Variants in NOD1 observed in about 807,000 individuals in gnomAD.
NOD1 encodes nucleotide binding oligomerization domain containing 1.
A neutral mutation model predicts 81.2 loss-of-function variants in NOD1; 70 were observed. The ratio of observed to expected loss-of-function variants is 0.86; its 90% CI spans 0.71 to 1.05. The LOEUF is 1.05. NOD1 is among the 50% of genes least tolerant of loss of function. The probability of loss-of-function intolerance (pLI) is 0.00; values close to 1 mark genes in which losing one functional copy is unlikely to be tolerated. For missense variants in NOD1, 1,233 were observed against 1,228.0 expected (o/e 1.00, Z -0.06); for synonymous variants, 508 against 526.9 (o/e 0.96, Z 0.49).
At position 30,424,785 on chromosome 7, in the gene NOD1, G is replaced by A. The variant is rs1428521828; in HGVS notation, c.*853C>T. 1.3e-5 allele frequency: 2 copies of A among 152,280 alleles called. No homozygotes were observed. The highest frequency in any genetic ancestry group is 2.9e-5 in the Non-Finnish European group (2 of 68,106). The allele number at this position is 152,280 out of a possible 1,614,324, so 9.4% of individuals were successfully genotyped here. A position where few individuals can be genotyped will look rare whatever the true frequency, so the allele number is the denominator to read the frequency against. ...GACAAAAGCAGCCATTTGGATGCCAGGGCCACAGGGGCAAGCCATGCCCTA... is the reference window on the plus strand; with the variant it reads ...GACAAAAGCAGCCATTTGGATGCCAAGGCCACAGGGGCAAGCCATGCCCTA... On this transcript the variant is annotated 3_prime_UTR_variant, in exon 14 of 14. Coordinates refer to ENST00000222823, the MANE Select transcript of NOD1 (RefSeq NM_006092.4).
Position 30,426,784 on chromosome 7 carries a change from A to T in NOD1, c.2790-1074T>A, listed in dbSNP as rs2127981784. ...CACAGCAGCTTCTGGCAGTTCTTCCAGGACACCACACTCCCTCCTGCCCCA... is the reference window on the plus strand; with the variant it reads ...CACAGCAGCTTCTGGCAGTTCTTCCTGGACACCACACTCCCTCCTGCCCCA... On this transcript the variant is annotated intron_variant, in intron 13 of 13. Coordinates refer to ENST00000222823, the MANE Select transcript of NOD1 (RefSeq NM_006092.4). 2.0e-5 allele frequency among the ~76,000 whole-genome samples: 3 copies of T among 152,194 alleles called. 1 individual carries two copies. In the South Asian group the frequency reaches 6.2e-4, roughly 32 times the overall value.
intron 11 of NOD1, among the ~76,000 whole-genome samples, chr7:30,435,686 C>T (rs1784319495): frequency 6.6e-6 from 1 of 152,172 alleles, no homozygotes; most frequent in Admixed American, 6.5e-5. Context: ...GTGCCAGGTG[C>T]AGTGGCTCAC....
intron 4 of NOD1, among the ~76,000 whole-genome samples, chr7:30,456,211 T>C (rs1786355204): frequency 2.0e-5 from 3 of 152,164 alleles, no homozygotes; most frequent in African/African-American, 7.2e-5. Flanking sequence ...TGGTCTCCAT[T>C]TTATTTTTCA....
At chr7:30,473,075 G>A (rs1583893857) in intron 1 of NOD1, among the ~76,000 whole-genome samples, 1 of 152,332 alleles carries the variant, frequency 6.6e-6, no homozygotes, top group Non-Finnish European at 1.5e-5. Flanking sequence ...TTCCACACCA[G>A]GGTAGGGGGC....
At chr7:30,473,344 T>C (rs940976800) in intron 1 of NOD1, among the ~76,000 whole-genome samples, 14 of 152,172 alleles carry the variant, frequency 9.2e-5, no homozygotes, top group African/African-American at 3.1e-4. Context: ...TGATGTAATA[T>C]TATTTTCAAT....
intron 5 of NOD1, 146 bp downstream of exon 5, chr7:30,454,991 A>C: frequency 1.3e-6 from 1 of 759,686 alleles, no homozygotes; most frequent in Non-Finnish European, 2.1e-6. Context: ...CACTTGGGAG[A>C]CAGGATTCAG....
chr7:30,450,938 T>G (rs1010866618), intron 6 of NOD1, among the ~76,000 whole-genome samples: 1 of 152,222 alleles, frequency 6.6e-6, no homozygotes, highest in Non-Finnish European at 1.5e-5. Context: ...GTGGCCATAA[T>G]TGATAGGATT....
Position 30,452,492 on chromosome 7 carries a change from G to A in NOD1, c.925C>T (p.His309Tyr). The stretch of plus-strand genomic sequence containing the variant: ...AGGTTGGCCAGCAAGACCAGGGGGT[G>A]GGCAGGCTCCCAGGGGCAGGAGCTG... The part of the protein sequence containing the change: ...PDSSCPWEPA[H>Y]PLVLLANLLS... The change falls in exon 6 of 14, where the codon CAC (histidine) becomes TAC (tyrosine). Residue 309 changes from histidine (H) to tyrosine (Y), a missense_variant. By Grantham distance (83) the His-to-Tyr change is moderately conservative (BLOSUM62 2). Coordinates refer to ENST00000222823, the MANE Select transcript of NOD1 (RefSeq NM_006092.4). 6.2e-7 allele frequency: 1 copy of A among 1,613,252 alleles called. No homozygotes were observed. Among genetic ancestry groups the A allele is most frequent in the Admixed American group, 1.7e-5 (1 of 59,988 alleles).
At position 30,448,659 on chromosome 7, in the gene NOD1, G is replaced by C. The variant is rs916208167; in HGVS notation, c.2202-278C>G. Among the ~76,000 whole-genome samples, 27 of 152,314 alleles carry C rather than the reference G, an allele frequency of 1.8e-4. 1 individual carries two copies. Among genetic ancestry groups the C allele is most frequent in the African/African-American group, 6.5e-4 (27 of 41,588 alleles). ...GACACAGGGAGGACGTGTGAGGCCA[G>C]CCACCTCTGACATCCACCCTTTGCG... On this transcript the variant is annotated intron_variant, in intron 6 of 13. Transcript: ENST00000222823.
At chr7:30,446,679 A>C in intron 8 of NOD1, 1 of 421,176 alleles carries the variant, frequency 2.4e-6, no homozygotes. Flanking sequence ...CCGACAGGAA[A>C]CTCCCTTGGG....
intron 1 of NOD1, chr7:30,469,250 A>G: frequency 9.1e-6 from 9 of 985,116 alleles, no homozygotes; most frequent in Non-Finnish European, 1.1e-5. Context: ...TAGCAGATGG[A>G]TGAAGCTACA....
intron 1 of NOD1, chr7:30,460,291 C>T: frequency 1.0e-6 from 1 of 985,428 alleles, no homozygotes; most frequent in South Asian, 4.7e-5. Flanking sequence ...CACTTATTAC[C>T]AGAAACACCA....
At chr7:30,435,442 T>A (rs1451748750) in intron 11 of NOD1, among the ~76,000 whole-genome samples, 1 of 152,056 alleles carries the variant, frequency 6.6e-6, no homozygotes, top group Non-Finnish European at 1.5e-5. Context: ...GCGTTCTAGT[T>A]CTCCTGGGGC....
chr7:30,460,330 G>A, intron 1 of NOD1: 6 of 985,414 alleles, frequency 6.1e-6, no homozygotes, highest in Non-Finnish European at 7.2e-6. Flanking sequence ...GGCCCTGGGG[G>A]GCAATCCTTT....
chr7:30,477,255 C>T lies in NOD1; in HGVS notation c.-352+1351G>A, dbSNP rs774880404. On this transcript the variant is annotated intron_variant, in intron 1 of 13. Coordinates refer to ENST00000222823, the MANE Select transcript of NOD1 (RefSeq NM_006092.4). Reference sequence around the variant, plus strand: ...ACCACTCTGCTGTTTGTTTTAAACACAGCTTGCTTATCTGTCTGGCATATT... The same window carrying T: ...ACCACTCTGCTGTTTGTTTTAAACATAGCTTGCTTATCTGTCTGGCATATT... Among the ~76,000 whole-genome samples the T allele has an allele frequency of 6.4e-4, 97 of 152,358 alleles. 1 individual carries two copies. The highest frequency in any genetic ancestry group is 1.2e-3 in the Non-Finnish European group (81 of 68,030).
intron 1 of NOD1, chr7:30,468,989 C>A: frequency 1.0e-6 from 1 of 985,446 alleles, no homozygotes; most frequent in Non-Finnish European, 1.2e-6. Flanking sequence ...CAGCATCTGG[C>A]AGGAGCCAGC....
rs750419135 is a variant in NOD1 at position 30,434,939 on chromosome 7, GT to G, written c.2621+1058del. 4.8e-3 allele frequency among the ~76,000 whole-genome samples: 697 copies of G among 144,634 alleles called. 5 individuals are homozygous for G. The highest frequency in any genetic ancestry group is 0.011 in the East Asian group (53 of 4,978). 94.9% of individuals were successfully genotyped at this position (144,634 alleles called of 152,430 possible). On this transcript the variant is annotated intron_variant, in intron 11 of 13. Coordinates refer to ENST00000222823, the MANE Select transcript of NOD1 (RefSeq NM_006092.4). Reference sequence around the variant, plus strand: ...CTCCCTCACTTAACCTGTAAGGAATGTTTTTTTTTTTTGTAGATAGAGGGTC... The same window carrying G: ...CTCCCTCACTTAACCTGTAAGGAATGTTTTTTTTTTTGTAGATAGAGGGTC...
Position 30,451,686 on chromosome 7 carries a change from G to T in NOD1, c.1731C>A (p.Asp577Glu). Reference protein sequence around the residue: ...CLQGSGPAREDLFKNKDHFQF... With the variant: ...CLQGSGPAREELFKNKDHFQF... ...GGAAGTGATCCTTGTTCTTGAAGAG[G>T]TCTTCCCGCGCCGGACCACTGCCCT... Residue 577 changes from aspartate (D) to glutamate (E), a missense_variant, in exon 6 of 14, where the codon GAC (aspartate) becomes GAA (glutamate). Coordinates refer to ENST00000222823, the MANE Select transcript of NOD1 (RefSeq NM_006092.4). This position sits in a 1 kb window ranked among gnomAD's most constrained non-coding sequence, Gnocchi z 4.2. 1 of 1,613,942 alleles carries T rather than the reference G, an allele frequency of 6.2e-7. No individual in the cohort carries two copies. The highest frequency in any genetic ancestry group is 8.5e-7 in the Non-Finnish European group (1 of 1,180,036).
rs1292901323 is a variant in NOD1, at chr7:30,456,927, A to C, written c.-6T>G. 2.5e-6 allele frequency: 4 copies of C among 1,613,334 alleles called. No homozygotes were observed. Among genetic ancestry groups the C allele is most frequent in the Non-Finnish European group, 3.4e-6 (4 of 1,179,388 alleles). On this transcript the variant is annotated 5_prime_UTR_variant, in exon 4 of 14. Coordinates refer to ENST00000222823, the MANE Select transcript of NOD1 (RefSeq NM_006092.4). ...CTGTGGCCCTGCTCTTCCATAGTTA[A>C]AGTAGCAAGCGGCTACTTTTCCCAA...
Sources: gnomAD v4.1 joint callset for allele counts (sites outside exome capture counted in the v4.1 genomes callset) on GRCh38, gnomAD v4.1.1 for gene constraint, Gnocchi (gnomAD v3.1) non-coding constraint, MANE v1.5 for transcripts, NCBI Gene and HGNC (gene_info 2026-07-23, HGNC 2026-07-21) for gene names.